The following LRRC37B variants were observed in gnomAD, a reference collection of about 807,000 sequenced individuals.
LRRC37B encodes leucine-rich repeat-containing protein 37B.
In LRRC37B, 28 loss-of-function variants were observed where a neutral mutation model predicts 98.3. The ratio of observed to expected loss-of-function variants is 0.28; its 90% CI spans 0.21 to 0.39. LRRC37B has a LOEUF of 0.39. Ranked by LOEUF, LRRC37B falls within the 10% of genes least tolerant of loss-of-function variation. The pLI, the probability that LRRC37B is intolerant of heterozygous loss-of-function variation, is 1.00. For synonymous variants in LRRC37B, 364 were observed against 442.7 expected (o/e 0.82, Z 2.23); for missense variants, 938 against 1,182.7 (o/e 0.79, Z 3.03).
chr17:32,033,952 A>G (rs1385087337), intron 5 of LRRC37B: 8 of 152,176 alleles, frequency 5.3e-5, no homozygotes, highest in African/African-American at 1.2e-4. Flanking sequence ...GACAATGACA[A>G]TAAGATGTGG....
chr17:32,050,252 C>T (rs1443613322), intron 11 of LRRC37B, 145 bp downstream of exon 14: 1 of 664,498 alleles, frequency 1.5e-6, no homozygotes, highest in African/African-American at 1.8e-5. Flanking sequence ...TGTTCTTTTA[C>T]TGCAATGTAT....
In LRRC37B at chr17:32,048,876, GTGTAAAAGACACAACTAA is replaced by G. The variant is rs540199875; in HGVS notation, c.2465-211_2465-194del. 1.6e-3 allele frequency: 2,484 copies of G among 1,542,716 alleles called. 27 individuals carry two copies. The African/African-American group carries it at 0.031, about 19-fold the overall frequency. On this transcript the variant is annotated intron_variant, in intron 9 of 11. Coordinates refer to ENST00000327564, the Ensembl canonical transcript of LRRC37B. ...TCAGAACGTTTTATAGAAAACACTA[GTGTAAAAGACACAACTAA>G]TGTAAAAGACACAAAAGAGATGTGT...
At chr17:32,012,000 G>A (rs1910535591) in intron 1 of LRRC37B, among the ~76,000 whole-genome samples, 1 of 151,920 alleles carries the variant, frequency 6.6e-6, no homozygotes, top group Admixed American at 6.6e-5. Flanking sequence ...TTCCATTATG[G>A]TTAGAGACCA....
exon 7 of LRRC37B, chr17:32,035,638 C>T (rs776780320): frequency 1.9e-6 from 3 of 1,605,202 alleles, no homozygotes; most frequent in African/African-American, 1.3e-5. Flanking sequence ...ACTGGAAAAA[C>T]TGTAAGTTAT....
chr17:32,047,974 T>C, intron 9 of LRRC37B, 73 bp downstream of exon 12: 3 of 1,612,544 alleles, frequency 1.9e-6, no homozygotes, highest in Admixed American at 3.3e-5. Flanking sequence ...TATCTCTCAC[T>C]GGGAAATCTA....
intron 5 of LRRC37B, among the ~76,000 whole-genome samples, chr17:32,033,059 G>A (rs1227434440): frequency 6.6e-6 from 1 of 152,186 alleles, no homozygotes; most frequent in Non-Finnish European, 1.5e-5. Context: ...AGCTACTCAG[G>A]AGGCTGAGGC....
intron 7 of LRRC37B, chr17:32,042,644 T>G (rs1473832614): frequency 6.5e-6 from 1 of 152,682 alleles, no homozygotes; most frequent in Non-Finnish European, 1.5e-5. Flanking sequence ...CTGGGCCACA[T>G]TCACATTCCC....
intron 7 of LRRC37B, chr17:32,040,363 G>T (rs1056593233): frequency 4.3e-5 from 18 of 422,304 alleles, no homozygotes; most frequent in Non-Finnish European, 8.1e-5. Flanking sequence ...CCCCTGAGGC[G>T]TGCAGAGGGT....
chr17:32,030,527 A>G, intron 3 of LRRC37B, 129 bp from the exon 7 acceptor site: 1 of 700,434 alleles, frequency 1.4e-6, no homozygotes, highest in South Asian at 2.0e-5. Context: ...GAAAGTTCAA[A>G]TACAGGTCCA....
chr17:32,023,727 T>C (rs1478863150), intron 1 of LRRC37B, among the ~76,000 whole-genome samples: 1 of 152,218 alleles, frequency 6.6e-6, no homozygotes, highest in Non-Finnish European at 1.5e-5. Flanking sequence ...TGTCCTTTAG[T>C]TATGTCCAGA....
intron 4 of LRRC37B, among the ~76,000 whole-genome samples, chr17:32,031,023 G>A (rs936805944): frequency 4.6e-5 from 7 of 152,062 alleles, no homozygotes; most frequent in African/African-American, 1.7e-4. Context: ...CTGGCATCTG[G>A]TGGGCAGAGG....
chr17:32,041,083 C>G (rs562007843), intron 7 of LRRC37B: 2 of 765,044 alleles, frequency 2.6e-6, no homozygotes, highest in Non-Finnish European at 4.9e-6. Flanking sequence ...CTGGCGGAGG[C>G]GCAGCTGAAC....
At chr17:32,024,652 A>T in intron 1 of LRRC37B, 59 bp from the exon 5 acceptor site, 2 of 1,605,276 alleles carry the variant, frequency 1.2e-6, no homozygotes, top group Non-Finnish European at 1.7e-6. Context: ...TGATTCTTTT[A>T]TTTATCCTGT....
chr17:32,018,909 C>T (rs190706014), upstream of LRRC37B, among the ~76,000 whole-genome samples: 5 of 152,230 alleles, frequency 3.3e-5, no homozygotes, highest in East Asian at 7.7e-4. Flanking sequence ...GCTCTCCCTA[C>T]ACAGGCATAC....
chr17:32,034,790 G>A, intron 5 of LRRC37B, 120 bp from the exon 9 acceptor site: 2 of 694,354 alleles, frequency 2.9e-6, no homozygotes, highest in Non-Finnish European at 4.9e-6. Flanking sequence ...GATTTATTAT[G>A]TAAAAGCAGA....
intron 6 of LRRC37B, among the ~76,000 whole-genome samples, chr17:32,035,194 T>C (rs1911213916): frequency 6.6e-6 from 1 of 152,154 alleles, no homozygotes; most frequent in Non-Finnish European, 1.5e-5. Context: ...GAAGAAGCCG[T>C]ATAGATTTGG....
At chr17:32,023,304 G>A (rs1257653186) in intron 1 of LRRC37B, among the ~76,000 whole-genome samples, 4 of 151,974 alleles carry the variant, frequency 2.6e-5, no homozygotes, top group Admixed American at 6.6e-5. Context: ...TGTGTTTTTA[G>A]TAGAGACGGG....
chr17:32,053,391 T>A (rs1433034298), exon 12 of LRRC37B: 8 of 1,224,954 alleles, frequency 6.5e-6, no homozygotes, highest in Non-Finnish European at 9.2e-6. Context: ...TAAATATTGG[T>A]TTTTTACTTA....
At chr17:32,048,372 A>ACAT (rs1911648309) in intron 9 of LRRC37B, among the ~76,000 whole-genome samples, 1 of 149,486 alleles carries the variant, frequency 6.7e-6, no homozygotes, top group African/African-American at 2.5e-5. Context: ...GAACAGCCTC[A>ACAT]CATAGTGCAG....
Sources: gnomAD v4.1 joint callset for allele counts (sites outside exome capture counted in the v4.1 genomes callset) on GRCh38, gnomAD v4.1.1 for gene constraint, MANE v1.5 for transcripts, NCBI Gene and HGNC (gene_info 2026-07-23, HGNC 2026-07-21) for gene names.